Variants in KCNJ3 observed in about 807,000 individuals in gnomAD.
KCNJ3 encodes G protein-activated inward rectifier potassium channel 1.
A neutral mutation model predicts 39.2 loss-of-function variants in KCNJ3; 4 were observed. That is an observed-to-expected ratio of 0.10 (90% CI 0.05 to 0.23). KCNJ3 has a LOEUF of 0.23. KCNJ3 is among the 10% of genes least tolerant of loss of function. The pLI, the probability that KCNJ3 is intolerant of heterozygous loss-of-function variation, is 1.00. For missense variants in KCNJ3, 276 were observed against 634.9 expected (o/e 0.43, Z 6.08); for synonymous variants, 230 against 237.4 (o/e 0.97, Z 0.29).
intron 2 of KCNJ3, among the ~76,000 whole-genome samples, chr2:154,809,643 G>T (rs574148446): frequency 1.4e-4 from 21 of 152,120 alleles, no homozygotes; most frequent in Non-Finnish European, 2.8e-4. Context: ...TAGGCAGAAA[G>T]GTCCATTGTC....
chr2:154,702,763 G>A (rs867582621), intron 1 of KCNJ3, among the ~76,000 whole-genome samples: 1 of 152,006 alleles, frequency 6.6e-6, no homozygotes, highest in Middle Eastern at 3.4e-3. Flanking sequence ...ATTAAAATCT[G>A]TGATTGAATT....
intron 2 of KCNJ3, among the ~76,000 whole-genome samples, chr2:154,766,579 C>T (rs750141562): frequency 3.3e-5 from 5 of 151,664 alleles, no homozygotes; most frequent in Non-Finnish European, 7.4e-5. Context: ...TTTTTTGAGA[C>T]GGAATCTCAC....
chr2:154,797,195 G>T (rs908513985), intron 2 of KCNJ3, among the ~76,000 whole-genome samples: 8 of 152,150 alleles, frequency 5.3e-5, no homozygotes, highest in African/African-American at 1.9e-4. Context: ...TGGTGCCGAA[G>T]CATTTTAGTT....
At chr2:154,805,186 A>G (rs1037440104) in intron 2 of KCNJ3, among the ~76,000 whole-genome samples, 4 of 152,104 alleles carry the variant, frequency 2.6e-5, no homozygotes, top group African/African-American at 9.6e-5. Context: ...CAGAAAAAAA[A>G]CAGGTTTTTT....
chr2:154,769,858 T>C (rs926910393), intron 2 of KCNJ3, among the ~76,000 whole-genome samples: 2 of 152,130 alleles, frequency 1.3e-5, no homozygotes, highest in East Asian at 3.8e-4. Flanking sequence ...TGGGATAGTA[T>C]ATACAGAAAT....
At chr2:154,728,344 C>T (rs1685393419) in intron 2 of KCNJ3, among the ~76,000 whole-genome samples, 1 of 152,064 alleles carries the variant, frequency 6.6e-6, no homozygotes, top group African/African-American at 2.4e-5. Context: ...ATGTATTTTT[C>T]CAATACTTTG....
chr2:154,716,550 G>C (rs1013728660), intron 2 of KCNJ3, among the ~76,000 whole-genome samples: 6 of 151,848 alleles, frequency 4.0e-5, no homozygotes, highest in African/African-American at 1.5e-4. Context: ...CTCTTTTTAT[G>C]CATACATTGC....
chr2:154,737,222 T>C (rs1574441292), intron 2 of KCNJ3, among the ~76,000 whole-genome samples: 1 of 152,316 alleles, frequency 6.6e-6, no homozygotes, highest in Middle Eastern at 3.4e-3. Context: ...TTGTGTAGAA[T>C]ACGCAGGCAG....
chr2:154,806,207 G>A (rs1044121461), intron 2 of KCNJ3, among the ~76,000 whole-genome samples: 2 of 152,128 alleles, frequency 1.3e-5, no homozygotes, highest in Non-Finnish European at 2.9e-5. Context: ...ACTGACAGAA[G>A]ACACAAGACT....
At chr2:154,726,767 C>T (rs1054264139) in intron 2 of KCNJ3, among the ~76,000 whole-genome samples, 26 of 143,890 alleles carry the variant, frequency 1.8e-4, no homozygotes, top group African/African-American at 5.1e-4. Context: ...TATATATACA[C>T]ACACACACAC....
At chr2:154,811,561 G>A (rs1427704401) in intron 2 of KCNJ3, among the ~76,000 whole-genome samples, 4 of 152,078 alleles carry the variant, frequency 2.6e-5, no homozygotes, top group African/African-American at 9.7e-5. Flanking sequence ...CAAAGTGCTG[G>A]GATTACAGGC....
chr2:154,779,689 G>T (rs933829925), intron 2 of KCNJ3, among the ~76,000 whole-genome samples: 1 of 151,304 alleles, frequency 6.6e-6, no homozygotes, highest in South Asian at 2.1e-4. Context: ...GGCTACAGGC[G>T]CATGCCACCA....
chr2:154,850,821 A>C (rs1487141326), intron 2 of KCNJ3, among the ~76,000 whole-genome samples: 3 of 152,160 alleles, frequency 2.0e-5, no homozygotes, highest in Non-Finnish European at 4.4e-5. Flanking sequence ...CCATATATCC[A>C]TACTTAGTCT....
chr2:154,702,074 G>A (rs1684908324), intron 1 of KCNJ3, among the ~76,000 whole-genome samples: 1 of 151,936 alleles, frequency 6.6e-6, no homozygotes, highest in South Asian at 2.1e-4. Flanking sequence ...ACCTAAAACA[G>A]TCAACTGTAT....
chr2:154,766,394 G>A (rs561891081), intron 2 of KCNJ3, among the ~76,000 whole-genome samples: 19 of 152,186 alleles, frequency 1.2e-4, no homozygotes, highest in African/African-American at 4.3e-4. Flanking sequence ...ACTTAGGAAA[G>A]ATAAAGGTTG....
At chr2:154,760,240 G>T (rs1249338237) in intron 2 of KCNJ3, among the ~76,000 whole-genome samples, 1 of 152,128 alleles carries the variant, frequency 6.6e-6, no homozygotes, top group Admixed American at 6.5e-5. Flanking sequence ...TCCTAGTAAA[G>T]TTTAACCTTT....
intron 2 of KCNJ3, among the ~76,000 whole-genome samples, chr2:154,818,238 C>T (rs1030597679): frequency 1.6e-4 from 25 of 152,118 alleles, no homozygotes; most frequent in Admixed American, 1.6e-3. Context: ...TGGGGAATAA[C>T]ATAGCCTTCC....
intron 2 of KCNJ3, among the ~76,000 whole-genome samples, chr2:154,784,156 G>C (rs908794409): frequency 6.6e-6 from 1 of 152,096 alleles, no homozygotes; most frequent in African/African-American, 2.4e-5. Context: ...TTAACTCAAA[G>C]ATTTTCAAAC....
chr2:154,858,188 C>T lies in KCNJ3; in HGVS notation c.*2875C>T, dbSNP rs1344476284. The T allele has an allele frequency of 6.6e-6, 1 of 151,998 alleles. No homozygotes were observed. Among genetic ancestry groups the T allele is most frequent in the African/African-American group, 2.4e-5 (1 of 41,372 alleles). 9.4% of individuals were successfully genotyped at this position (151,998 alleles called of 1,614,324 possible). A position where few individuals can be genotyped will look rare whatever the true frequency, so the allele number is the denominator to read the frequency against. The stretch of plus-strand genomic sequence containing the variant: ...TAGGTTGATCATAGGTCCCAGTTTA[C>T]CCAGGAAAATTCCAGTTTATACCTG... On this transcript the variant is annotated 3_prime_UTR_variant, in exon 3 of 3. Coordinates refer to ENST00000295101, the MANE Select transcript of KCNJ3 (RefSeq NM_002239.4).
Sources: allele counts gnomAD v4.1 joint callset (sites outside exome capture counted in the v4.1 genomes callset), GRCh38; gene constraint gnomAD v4.1.1; transcripts MANE v1.5; gene names NCBI Gene and HGNC (gene_info 2026-07-23, HGNC 2026-07-21).